The following CPNE8 variants were observed in gnomAD, a reference collection of about 807,000 sequenced individuals.
CPNE8 encodes copine 8.
In CPNE8, 45 loss-of-function variants were observed where a neutral mutation model predicts 81.5. The ratio of observed to expected loss-of-function variants is 0.55; its 90% CI spans 0.44 to 0.71. CPNE8 has a LOEUF of 0.71. CPNE8 is among the 30% of genes least tolerant of loss of function. The probability of loss-of-function intolerance (pLI) is 0.00; values close to 1 mark genes in which losing one functional copy is unlikely to be tolerated. For missense variants in CPNE8, 594 were observed against 672.1 expected (o/e 0.88, Z 1.28); for synonymous variants, 252 against 226.3 (o/e 1.11, Z -1.02).
rs148784996 is a variant in CPNE8, at chr12:38,712,784, G to A, written c.915-9863C>T. 4.9e-3 allele frequency among the ~76,000 whole-genome samples: 746 copies of A among 152,262 alleles called. 8 individuals carry two copies. Among genetic ancestry groups the A allele is most frequent in the African/African-American group, 0.017 (726 of 41,546 alleles). ...TGGAGCGAACAGGACTGTCTGGACT[G>A]AAAGAAGTATCCTGGGGTTATCCTC... On this transcript the variant is annotated intron_variant, in intron 13 of 19. Coordinates refer to ENST00000331366, the MANE Select transcript of CPNE8 (RefSeq NM_153634.3).
At chr12:38,671,017 C>T (rs971327062) in intron 18 of CPNE8, 2 of 478,788 alleles carry the variant, frequency 4.2e-6, no homozygotes, top group African/African-American at 4.1e-5. Flanking sequence ...TCTTTTGTGA[C>T]TCTTTGAAAG....
rs751469941 is a variant in CPNE8, at chr12:38,880,288, T to C, written c.99-5777A>G. 1.3e-3 allele frequency among the ~76,000 whole-genome samples: 205 copies of C among 152,366 alleles called. 4 individuals are homozygous for C. The highest frequency in any genetic ancestry group is 6.8e-3 in the Middle Eastern group (2 of 294). On this transcript the variant is annotated intron_variant, in intron 1 of 19. Transcript: ENST00000331366. ...TTCAGGGTAGTCTCTGGACCACTGA[T>C]AGCCTGCAAAGTCTTTACCAAATGT...
chr12:38,680,713 A>C (rs1247874118), intron 16 of CPNE8, among the ~76,000 whole-genome samples: 4 of 152,034 alleles, frequency 2.6e-5, no homozygotes, highest in African/African-American at 9.7e-5. Context: ...ATAGCACTGA[A>C]CATGTTGTTA....
At chr12:38,793,427 A>G (rs989541676) in intron 6 of CPNE8, among the ~76,000 whole-genome samples, 1 of 151,986 alleles carries the variant, frequency 6.6e-6, no homozygotes, top group Non-Finnish European at 1.5e-5. Context: ...CTGTTTTTAT[A>G]TACTAACAAT....
chr12:38,743,112 AAAG>A (rs1327487865), intron 10 of CPNE8, among the ~76,000 whole-genome samples: 1 of 152,118 alleles, frequency 6.6e-6, no homozygotes, highest in African/African-American at 2.4e-5. Context: ...TGATATTCTT[AAAG>A]ATTATATCAT....
chr12:38,664,187 GA>G, intron 19 of CPNE8, among the ~76,000 whole-genome samples: 1 of 152,186 alleles, frequency 6.6e-6, no homozygotes, highest in East Asian at 1.9e-4. Flanking sequence ...ATCCCTGATA[GA>G]AAAATTATAC....
At chr12:38,863,405 T>C (rs1162266550) in intron 3 of CPNE8, among the ~76,000 whole-genome samples, 2 of 152,176 alleles carry the variant, frequency 1.3e-5, no homozygotes, top group African/African-American at 2.4e-5. Flanking sequence ...TTAACTAAAA[T>C]ATAACACCAA....
chr12:38,691,952 G>T (rs986201401), intron 15 of CPNE8, among the ~76,000 whole-genome samples: 2 of 152,132 alleles, frequency 1.3e-5, no homozygotes, highest in African/African-American at 4.8e-5. Flanking sequence ...AGGACAGACT[G>T]AAACCACAGC....
intron 1 of CPNE8, among the ~76,000 whole-genome samples, chr12:38,890,443 T>A (rs1490454754): frequency 6.6e-6 from 1 of 152,234 alleles, no homozygotes; most frequent in Non-Finnish European, 1.5e-5. Context: ...ACAAGTTCTG[T>A]CTTTTCCTTT....
intron 6 of CPNE8, among the ~76,000 whole-genome samples, chr12:38,787,926 A>T (rs1168465609): frequency 4.0e-5 from 6 of 150,448 alleles, no homozygotes; most frequent in Non-Finnish European, 7.4e-5. Context: ...GAACAATAAC[A>T]AGTAAGGAAA....
At chr12:38,840,013 A>C (rs2048623043) in intron 4 of CPNE8, 58 bp from the exon 5 acceptor site, 5 of 1,476,838 alleles carry the variant, frequency 3.4e-6, no homozygotes, top group Admixed American at 2.2e-5. Flanking sequence ...TAGAAAAAAA[A>C]CCAGTATTTT....
chr12:38,874,604 T>C, intron 1 of CPNE8, 93 bp from the exon 2 acceptor site: 2 of 698,782 alleles, frequency 2.9e-6, no homozygotes, highest in Admixed American at 5.4e-5. Context: ...CATAATTGTG[T>C]ATATATATAT....
intron 19 of CPNE8, among the ~76,000 whole-genome samples, chr12:38,662,950 A>G (rs766553412): frequency 3.3e-5 from 5 of 152,238 alleles, no homozygotes; most frequent in African/African-American, 7.2e-5. Flanking sequence ...CAGAAGAATG[A>G]AACTACACCC....
chr12:38,728,638 C>T (rs1362242875), intron 11 of CPNE8, among the ~76,000 whole-genome samples: 1 of 151,912 alleles, frequency 6.6e-6, no homozygotes, highest in Non-Finnish European at 1.5e-5. Flanking sequence ...TTAAGCATAA[C>T]AACATAAGTA....
At chr12:38,711,170 AAT>A (rs1217074369) in intron 13 of CPNE8, among the ~76,000 whole-genome samples, 1 of 152,196 alleles carries the variant, frequency 6.6e-6, no homozygotes, top group Non-Finnish European at 1.5e-5. Context: ...TACTATTAAT[AAT>A]AGTTTTGCAA....
At chr12:38,799,790 G>C (rs1335569101) in intron 6 of CPNE8, among the ~76,000 whole-genome samples, 3 of 141,354 alleles carry the variant, frequency 2.1e-5, no homozygotes, top group East Asian at 4.0e-4. Context: ...GCGCAGGCCA[G>C]TGTGTGCGCG....
chr12:38,822,751 T>A (rs1233126727), intron 6 of CPNE8, among the ~76,000 whole-genome samples: 2 of 151,894 alleles, frequency 1.3e-5, no homozygotes, highest in Non-Finnish European at 2.9e-5. Context: ...TTATTACAAA[T>A]GTGACCCATA....
chr12:38,772,463 C>A (rs1308146906), intron 7 of CPNE8, among the ~76,000 whole-genome samples: 3 of 151,966 alleles, frequency 2.0e-5, no homozygotes, highest in African/African-American at 4.8e-5. Context: ...GGGCTAAGAA[C>A]CTGAATAAGC....
chr12:38,718,682 T>G (rs2136730945), intron 13 of CPNE8, among the ~76,000 whole-genome samples: 1 of 152,302 alleles, frequency 6.6e-6, no homozygotes, highest in East Asian at 1.9e-4. Flanking sequence ...CCAATAACAT[T>G]ATTTCTAGGA....
Sources: allele counts gnomAD v4.1 joint callset (sites outside exome capture counted in the v4.1 genomes callset), GRCh38; gene constraint gnomAD v4.1.1; transcripts MANE v1.5; gene names NCBI Gene and HGNC (gene_info 2026-07-23, HGNC 2026-07-21).